The following CLCC1 variants were observed in gnomAD, a reference collection of about 807,000 sequenced individuals.
CLCC1 encodes the protein chloride channel CLIC-like protein 1.
CLCC1 carries 39 observed loss-of-function variants against 63.3 expected under a neutral mutation model. The observed-to-expected ratio is 0.62, with a 90% confidence interval of 0.48 to 0.81. CLCC1 has a LOEUF of 0.81. Among genes scored for constraint, CLCC1 ranks in the 30% least tolerant of loss-of-function variants. The probability of loss-of-function intolerance (pLI) is 0.00; values close to 1 mark genes in which losing one functional copy is unlikely to be tolerated. For missense variants in CLCC1, 549 were observed against 669.4 expected, an observed-to-expected ratio of 0.82 and a Z score of 1.98; for synonymous variants, 217 against 239.8, an observed-to-expected ratio of 0.90 and a Z score of 0.88.
At chr1:108,941,549 G>C (rs1330229744) in intron 7 of CLCC1, 51 bp from the exon 8 acceptor site, 1 of 1,382,344 alleles carries the variant, frequency 7.2e-7, no homozygotes, top group African/African-American at 1.4e-5. Flanking sequence ...ATGAAGGTTA[G>C]GCCTACACAT....
At chr1:108,943,722 A>C in intron 6 of CLCC1, 107 bp from the exon 7 acceptor site, 1 of 1,476,824 alleles carries the variant, frequency 6.8e-7, no homozygotes, top group Admixed American at 1.9e-5. Flanking sequence ...TGGCTTGTTC[A>C]TCAATACGGT....
At chr1:108,956,656 G>A (rs1448861224) in intron 2 of CLCC1, among the ~76,000 whole-genome samples, 9 of 101,152 alleles carry the variant, frequency 8.9e-5, no homozygotes, top group South Asian at 2.8e-4. Context: ...GCGAGACTCC[G>A]TCTCAAAAAA....
chr1:108,958,220 T>C (rs1310795566), intron 2 of CLCC1, among the ~76,000 whole-genome samples: 2 of 151,540 alleles, frequency 1.3e-5, no homozygotes, highest in East Asian at 3.8e-4. Flanking sequence ...TAACCCCATC[T>C]ACGGTTTTGC....
Position 108,931,309 on chromosome 1 carries a change from C to A in CLCC1, c.*1238G>T. On this transcript the variant is annotated 3_prime_UTR_variant, in exon 13 of 13. Transcript: ENST00000369969. ...GTCATTAAGCTTTGTCTTCCTTATC[C>A]CAGATATTGAAGGCAGTTTACAAGG... is the stretch of plus-strand genomic sequence containing the variant. 1 of 1,540,744 alleles carries A rather than the reference C, an allele frequency of 6.5e-7. No homozygotes were observed. The highest frequency in any genetic ancestry group is 8.8e-7 in the Non-Finnish European group (1 of 1,141,044).
intron 10 of CLCC1, among the ~76,000 whole-genome samples, chr1:108,938,004 T>C (rs1270283712): frequency 6.6e-6 from 1 of 152,140 alleles, no homozygotes; most frequent in Non-Finnish European, 1.5e-5. Context: ...ACATTATTAT[T>C]TGTCTTTTTC....
At chr1:108,962,135 A>G (rs1024236686) in intron 2 of CLCC1, among the ~76,000 whole-genome samples, 174 bp downstream of exon 2, 10 of 152,206 alleles carry the variant, frequency 6.6e-5, no homozygotes, top group African/African-American at 2.4e-4. Context: ...TTGGAACGAC[A>G]TCTCCACAGA....
Position 108,931,209 on chromosome 1 carries a change from CAT to C in CLCC1, c.*1336_*1337del. Reference sequence around the variant, plus strand: ...GTGGTTAGGTCAAGAACCTAGGACACATAAACAAACAGAAAACAGATGAAAAC... The same window carrying C: ...GTGGTTAGGTCAAGAACCTAGGACACAAACAAACAGAAAACAGATGAAAAC... On this transcript the variant is annotated 3_prime_UTR_variant, in exon 13 of 13. Coordinates refer to ENST00000369969, the MANE Select transcript of CLCC1 (RefSeq NM_001377458.1). The C allele has an allele frequency of 8.1e-7, 1 of 1,231,298 alleles. No homozygotes were observed. The highest frequency in any genetic ancestry group is 2.9e-5 in the Admixed American group (1 of 34,854). 76.3% of individuals were successfully genotyped at this position (1,231,298 alleles called of 1,614,324 possible).
rs148212619 is a variant in CLCC1, at chr1:108,934,726, C to T, written c.1600G>A (p.Ala534Thr). 1.6e-3 allele frequency: 2,522 copies of T among 1,614,100 alleles called. 5 individuals carry two copies. Among genetic ancestry groups the T allele is most frequent in the Non-Finnish European group, 2.0e-3 (2,328 of 1,180,042 alleles). Residue 534 changes from alanine to threonine, a missense_variant, in exon 12 of 13, where the codon GCA (alanine) becomes ACA (threonine). Physicochemically the swap from Ala to Thr is moderately conservative, Grantham distance 58. Coordinates refer to ENST00000369969, the MANE Select transcript of CLCC1 (RefSeq NM_001377458.1). Reference protein sequence around the residue: ...SPDQGSTYSPARGVAGPRGQD... With the variant: ...SPDQGSTYSPTRGVAGPRGQD... ...CCACGTGGTCCAGCCACACCTCTTGCGGGGCTGTATGTGCTGCCTTGGTCT... is the reference window on the plus strand; with the variant it reads ...CCACGTGGTCCAGCCACACCTCTTGTGGGGCTGTATGTGCTGCCTTGGTCT...
chr1:108,943,646 C>T (rs758796038), intron 6 of CLCC1, 31 bp from the exon 7 acceptor site: 4 of 1,611,338 alleles, frequency 2.5e-6, no homozygotes, highest in African/African-American at 1.3e-5. Flanking sequence ...AAATCAGCCA[C>T]CAAAAACACT....
chr1:108,944,402 G>A (rs893257108), intron 5 of CLCC1, among the ~76,000 whole-genome samples: 3 of 151,888 alleles, frequency 2.0e-5, no homozygotes, highest in African/African-American at 7.3e-5. Flanking sequence ...CCCCGGATTC[G>A]AGGCTGCAGT....
chr1:108,941,584 G>A, intron 7 of CLCC1, 86 bp from the exon 8 acceptor site: 1 of 835,078 alleles, frequency 1.2e-6, no homozygotes, highest in South Asian at 1.6e-5. Flanking sequence ...TTCAAAGAGT[G>A]TCTTTACCAT....
chr1:108,957,767 A>T (rs1423346649), intron 2 of CLCC1, among the ~76,000 whole-genome samples: 1 of 151,432 alleles, frequency 6.6e-6, no homozygotes, highest in Non-Finnish European at 1.5e-5. Context: ...ACTGATGTCC[A>T]AGTAGAGATT....
intron 9 of CLCC1, 41 bp downstream of exon 9, chr1:108,940,002 TTC>T: frequency 6.8e-7 from 1 of 1,470,930 alleles, no homozygotes; most frequent in Non-Finnish European, 9.4e-7. Context: ...TACAAGGGAT[TTC>T]TGACTGACTT....
At chr1:108,933,418 T>C (rs1458420368) in intron 12 of CLCC1, 2 of 131,182 alleles carry the variant, frequency 1.5e-5, no homozygotes, top group African/African-American at 5.9e-5. Flanking sequence ...GCTAGGACTG[T>C]AGGCATGAGC....
intron 11 of CLCC1, among the ~76,000 whole-genome samples, chr1:108,935,906 C>T (rs1007742327): frequency 6.6e-6 from 1 of 151,924 alleles, no homozygotes; most frequent in Admixed American, 6.6e-5. Context: ...AGAGTAAGCA[C>T]GGAGGGAGAA....
rs2101673450 is a variant in CLCC1 at position 108,947,709 on chromosome 1, A to T, written c.241T>A (p.Cys81Ser). 5 of 1,602,152 alleles carry T rather than the reference A, an allele frequency of 3.1e-6. No individual in the cohort carries two copies. In the East Asian group the frequency reaches 1.1e-4, roughly 36 times the overall value. ...LDSLTYKIDECEKKKREDYES... is the reference protein window; with the variant it reads ...LDSLTYKIDESEKKKREDYES... ...TAGTCTTCCCTCTTTTTCTTTTCAC[A>T]CTCATCAATCTGTAACCATAAAATC... is the stretch of plus-strand genomic sequence containing the variant. The change falls in exon 5 of 13, where the codon TGT becomes AGT. Residue 81 changes from cysteine to serine, a missense_variant. Physicochemically the swap from Cys to Ser is moderately radical, Grantham distance 112. Coordinates refer to ENST00000369969, the MANE Select transcript of CLCC1 (RefSeq NM_001377458.1).
At position 108,937,281 on chromosome 1, in the gene CLCC1, T is replaced by C; in HGVS notation, c.1179A>G (p.Ala393=). The C allele has an allele frequency of 6.2e-7, 1 of 1,614,242 alleles. No individual in the cohort carries two copies. Among genetic ancestry groups the C allele is most frequent in the Non-Finnish European group, 8.5e-7 (1 of 1,180,034 alleles). Residue 393 remains alanine (A), a synonymous_variant, in exon 11 of 13, where the codon GCA becomes GCG. Coordinates refer to ENST00000369969, the MANE Select transcript of CLCC1 (RefSeq NM_001377458.1). ...CCCTATAATGGAAATCGGCATCACCTGCTCCACCATCAGGTCTATAATCAA... is the reference window on the plus strand; with the variant it reads ...CCCTATAATGGAAATCGGCATCACCCGCTCCACCATCAGGTCTATAATCAA... ...EEIDYRPDGG[A]GDADFHYRGQ... is the part of the protein sequence containing the mutation.
At chr1:108,940,983 T>TA (rs1275610235) in intron 8 of CLCC1, among the ~76,000 whole-genome samples, 1 of 151,850 alleles carries the variant, frequency 6.6e-6, no homozygotes, top group Non-Finnish European at 1.5e-5. Context: ...TTCCCGTAGT[T>TA]AAAAAAAAGT....
intron 2 of CLCC1, among the ~76,000 whole-genome samples, chr1:108,953,700 G>A (rs367668088): frequency 1.3e-5 from 2 of 152,194 alleles, no homozygotes; most frequent in Admixed American, 1.3e-4. Flanking sequence ...AAGGATTTTA[G>A]AGGTTCAAAG....
Sources: allele counts gnomAD v4.1 joint callset (sites outside exome capture counted in the v4.1 genomes callset), GRCh38; gene constraint gnomAD v4.1.1; transcripts MANE v1.5; gene names NCBI Gene and HGNC (gene_info 2026-07-23, HGNC 2026-07-21).